SLCO1A2: variants seen among roughly 807,000 people sequenced by gnomAD.
The protein encoded by SLCO1A2 is solute carrier organic anion transporter family member 1A2, also known as OATP-1.
Under a neutral mutation model 69.0 loss-of-function variants are expected in SLCO1A2, and 67 were observed. The observed-to-expected ratio is 0.97, with a 90% CI of 0.80 to 1.19. The LOEUF is 1.19. Among genes scored for constraint, SLCO1A2 ranks in the 50% most tolerant of loss-of-function variants. SLCO1A2 has a pLI of 0.00. For missense variants in SLCO1A2, 787 were observed against 793.7 expected (o/e 0.99, Z 0.10); for synonymous variants, 260 against 265.9 (o/e 0.98, Z 0.22).
intron 2 of SLCO1A2, among the ~76,000 whole-genome samples, chr12:21,327,869 G>A (rs549123147): frequency 4.8e-4 from 73 of 152,144 alleles, no homozygotes; most frequent in Non-Finnish European, 9.6e-4. Context: ...TGAAATGTGC[G>A]GACATGAGAT....
At chr12:21,309,311 G>T (rs1332476525) in intron 4 of SLCO1A2, among the ~76,000 whole-genome samples, 2 of 152,110 alleles carry the variant, frequency 1.3e-5, no homozygotes, top group Non-Finnish European at 2.9e-5. Flanking sequence ...AATAACAAAA[G>T]TAACTTTTCC....
intron 1 of SLCO1A2, among the ~76,000 whole-genome samples, chr12:21,382,314 C>G (rs1940635706): frequency 6.6e-6 from 1 of 151,880 alleles, no homozygotes; most frequent in Non-Finnish European, 1.5e-5. Context: ...ATATAATGGA[C>G]TTTAGAGATT....
At chr12:21,395,848 A>T (rs1473524278), upstream of SLCO1A2, among the ~76,000 whole-genome samples, 26 of 152,124 alleles carry the variant, frequency 1.7e-4, 1 homozygote. Flanking sequence ...AACAGAAAGG[A>T]CATCCACACC....
At chr12:21,355,499 G>GTCC (rs1417804386) in intron 2 of SLCO1A2, among the ~76,000 whole-genome samples, 7 of 152,102 alleles carry the variant, frequency 4.6e-5, no homozygotes, top group Non-Finnish European at 8.8e-5. Flanking sequence ...CTGATACAAG[G>GTCC]CCTAGGATCT....
At chr12:21,299,964 G>T (rs1368945852) in intron 8 of SLCO1A2, among the ~76,000 whole-genome samples, 1 of 149,020 alleles carries the variant, frequency 6.7e-6, no homozygotes, top group East Asian at 2.0e-4. Context: ...ATATGTGTGT[G>T]TGTACATATA....
chr12:21,371,834 C>T (rs970106047), intron 2 of SLCO1A2, among the ~76,000 whole-genome samples: 1 of 151,972 alleles, frequency 6.6e-6, no homozygotes, highest in Non-Finnish European at 1.5e-5. Context: ...GAATCCCCGT[C>T]TCCACTAAAA....
intron 2 of SLCO1A2, among the ~76,000 whole-genome samples, chr12:21,350,239 T>C (rs1318378924): frequency 6.6e-6 from 1 of 151,902 alleles, no homozygotes; most frequent in Non-Finnish European, 1.5e-5. Context: ...GACTATAAAG[T>C]CTTAAGTTAT....
rs1283993165 is a variant in SLCO1A2, at chr12:21,304,470, A to G, written c.546T>C (p.Tyr182=). Residue 182 remains tyrosine, a synonymous_variant, in exon 6 of 15, where the codon TAT becomes TAC. Transcript: ENST00000683939. ...ETPILPLGIS[Y]IEDFAKFENS... Reference sequence around the variant, plus strand: ...TTTCAAATTTGGCAAAATCTTCTATATAGGAAATACCCAAAGGCAGGATGG... The same window carrying G: ...TTTCAAATTTGGCAAAATCTTCTATGTAGGAAATACCCAAAGGCAGGATGG... The G allele has an allele frequency of 6.2e-7, 1 of 1,612,978 alleles. No individual in the cohort carries two copies. The highest frequency in any genetic ancestry group is 8.5e-7 in the Non-Finnish European group (1 of 1,179,092).
At chr12:21,312,319 C>G (rs1312657880) in intron 4 of SLCO1A2, among the ~76,000 whole-genome samples, 1 of 152,212 alleles carries the variant, frequency 6.6e-6, no homozygotes, top group Non-Finnish European at 1.5e-5. Flanking sequence ...TTCCTAATCT[C>G]TCTTAACTTT....
intron 2 of SLCO1A2, among the ~76,000 whole-genome samples, chr12:21,356,591 G>A (rs1938386045): frequency 6.6e-6 from 1 of 152,090 alleles, no homozygotes; most frequent in African/African-American, 2.4e-5. Context: ...AGCATTAAAT[G>A]TGACATAGAA....
intron 1 of SLCO1A2, among the ~76,000 whole-genome samples, chr12:21,410,209 A>G (rs1361024590): frequency 2.6e-5 from 4 of 152,134 alleles, no homozygotes; most frequent in Non-Finnish European, 2.9e-5. Flanking sequence ...GTCCATCACT[A>G]GTCTTCCGCT....
chr12:21,381,206 A>G (rs1447494250), intron 1 of SLCO1A2, among the ~76,000 whole-genome samples: 1 of 152,206 alleles, frequency 6.6e-6, no homozygotes, highest in African/African-American at 2.4e-5. Context: ...AGCAGGAGAA[A>G]TAATAAACAG....
chr12:21,292,326 T>C lies in SLCO1A2; in HGVS notation c.1448A>G (p.Asn483Ser), dbSNP rs149548406. The change falls in exon 12 of 15, where the codon AAT becomes AGT. Residue 483 changes from asparagine to serine, a missense_variant. Transcript: ENST00000683939. ...IGTGINMVFQ[N>S]CSCIQTSGNS... ...TCCTGATGTTTGAATACAGCTGCAATTTTGGAACACCTGCCAAAAAATAAC... is the reference window on the plus strand; with the variant it reads ...TCCTGATGTTTGAATACAGCTGCAACTTTGGAACACCTGCCAAAAAATAAC... 14 of 1,603,368 alleles carry C rather than the reference T, an allele frequency of 8.7e-6. No individual in the cohort carries two copies. Among genetic ancestry groups the C allele is most frequent in the Middle Eastern group, 1.7e-4 (1 of 6,000 alleles).
At chr12:21,316,780 G>T (rs780331515) in intron 3 of SLCO1A2, among the ~76,000 whole-genome samples, 11 of 152,028 alleles carry the variant, frequency 7.2e-5, no homozygotes, top group Admixed American at 5.9e-4. Context: ...TTTAGCAAAC[G>T]CCTACTTACT....
chr12:21,298,812 G>A (rs781416706), intron 8 of SLCO1A2, among the ~76,000 whole-genome samples: 1 of 152,092 alleles, frequency 6.6e-6, no homozygotes, highest in Non-Finnish European at 1.5e-5. Context: ...CCTTTAAGAA[G>A]AGTTTTTAAT....
At chr12:21,335,118 C>T (rs924305870), upstream of SLCO1A2, among the ~76,000 whole-genome samples, 13 of 151,794 alleles carry the variant, frequency 8.6e-5, no homozygotes, top group African/African-American at 2.9e-4. Flanking sequence ...CTAACCCTAC[C>T]AAGGCTCAAA....
At chr12:21,332,107 G>T (rs376242357) in intron 2 of SLCO1A2, among the ~76,000 whole-genome samples, 1 of 152,096 alleles carries the variant, frequency 6.6e-6, no homozygotes, top group African/African-American at 2.4e-5. Context: ...CAAAGTTAAG[G>T]CATGCCTACA....
At chr12:21,343,095 G>A (rs1376073936) in intron 2 of SLCO1A2, among the ~76,000 whole-genome samples, 3 of 152,072 alleles carry the variant, frequency 2.0e-5, no homozygotes, top group Non-Finnish European at 4.4e-5. Context: ...TTTAGCAGAG[G>A]ACTGTGGCAC....
chr12:21,410,172 C>G (rs1176585613), intron 1 of SLCO1A2, among the ~76,000 whole-genome samples: 1 of 152,154 alleles, frequency 6.6e-6, no homozygotes, highest in African/African-American at 2.4e-5. Flanking sequence ...CTCCTCCAGT[C>G]TGAGGAAATC....
Sources: allele counts gnomAD v4.1 joint callset (sites outside exome capture counted in the v4.1 genomes callset), GRCh38; gene constraint gnomAD v4.1.1; transcripts MANE v1.5; gene names NCBI Gene and HGNC (gene_info 2026-07-23, HGNC 2026-07-21).